PGM1: variants seen among roughly 807,000 people sequenced by gnomAD.
PGM1 encodes phosphoglucomutase-1.
Under a neutral mutation model 55.6 loss-of-function variants are expected in PGM1, and 52 were observed. The ratio of observed to expected loss-of-function variants is 0.94; its 90% confidence interval spans 0.75 to 1.18. The LOEUF (loss-of-function observed/expected upper bound fraction) is 1.18. Among genes scored for constraint, PGM1 ranks in the 50% most tolerant of loss-of-function variants. The pLI is 0.00. For missense variants in PGM1, 724 were observed against 729.3 expected (o/e 0.99, Z 0.08); for synonymous variants, 287 against 271.7 (o/e 1.06, Z -0.55).
intron 1 of PGM1, among the ~76,000 whole-genome samples, chr1:63,627,213 A>C (rs940363539): frequency 6.6e-6 from 1 of 152,062 alleles, no homozygotes; most frequent in Admixed American, 6.6e-5. Context: ...TTGGTGCTTA[A>C]GTGTCTGTCT....
intron 1 of PGM1, among the ~76,000 whole-genome samples, chr1:63,595,899 CT>C (rs1648051395): frequency 6.6e-6 from 1 of 152,164 alleles, no homozygotes; most frequent in Non-Finnish European, 1.5e-5. Flanking sequence ...CCCTATTGCT[CT>C]TCTCTCAGCC....
chr1:63,594,138 A>G (rs768357154), intron 1 of PGM1: 1,369 of 997,254 alleles, frequency 1.4e-3, no homozygotes, highest in Non-Finnish European at 1.6e-3. Flanking sequence ...CGCCTTAAGC[A>G]GGAAAGGTTA....
At chr1:63,607,065 A>G (rs1384971566) in intron 1 of PGM1, among the ~76,000 whole-genome samples, 1 of 152,182 alleles carries the variant, frequency 6.6e-6, no homozygotes, top group African/African-American at 2.4e-5. Context: ...ACCACAATCT[A>G]ACTTCAGAAT....
In PGM1 at chr1:63,593,437, C is replaced by A; in HGVS notation, c.-52C>A. On this transcript the variant is annotated 5_prime_UTR_variant, in exon 1 of 11. Transcript: ENST00000371084. ...GAGCAGCTGCAGCCTCAGCCGGCCGCCCCTCCGCCAGCCAAGTCCGCCGCT... is the reference window on the plus strand; with the variant it reads ...GAGCAGCTGCAGCCTCAGCCGGCCGACCCTCCGCCAGCCAAGTCCGCCGCT... The A allele has an allele frequency of 6.2e-7, 1 of 1,610,964 alleles. No homozygotes were observed. The highest frequency in any genetic ancestry group is 8.5e-7 in the Non-Finnish European group (1 of 1,178,946).
At chr1:63,598,932 A>C (rs1361783309) in intron 1 of PGM1, among the ~76,000 whole-genome samples, 1 of 152,218 alleles carries the variant, frequency 6.6e-6, no homozygotes, top group East Asian at 1.9e-4. Flanking sequence ...CTCCCGCTTG[A>C]AGTGAACCAC....
intron 1 of PGM1, among the ~76,000 whole-genome samples, chr1:63,612,744 A>G (rs1487052325): frequency 6.6e-6 from 1 of 152,168 alleles, no homozygotes; most frequent in Non-Finnish European, 1.5e-5. Context: ...TCTGTTCGTA[A>G]TTGTTGCACA....
chr1:63,628,626 T>C (rs571807850), intron 1 of PGM1, among the ~76,000 whole-genome samples: 1 of 152,358 alleles, frequency 6.6e-6, no homozygotes, highest in African/African-American at 2.4e-5. Flanking sequence ...TCAACCTTCT[T>C]TTCCAACTTG....
At chr1:63,639,505 C>T (rs75627646) in intron 7 of PGM1, among the ~76,000 whole-genome samples, 1,704 of 152,054 alleles carry the variant, frequency 0.011, 31 homozygotes, top group African/African-American at 0.039. Flanking sequence ...TTCTCTGCTA[C>T]CTCATGCTGC....
chr1:63,631,995 A>T (rs1649209875), intron 4 of PGM1, among the ~76,000 whole-genome samples: 1 of 152,196 alleles, frequency 6.6e-6, no homozygotes, highest in Admixed American at 6.6e-5. Context: ...AGCTCGTGTG[A>T]AGGTCAGTGT....
chr1:63,619,623 A>G (rs1648832464), intron 1 of PGM1, among the ~76,000 whole-genome samples: 1 of 152,164 alleles, frequency 6.6e-6, no homozygotes. Flanking sequence ...TTTGCTTACA[A>G]ATTTCCATAG....
At chr1:63,641,328 T>C (rs1169295956) in intron 7 of PGM1, among the ~76,000 whole-genome samples, 1 of 152,232 alleles carries the variant, frequency 6.6e-6, no homozygotes, top group Non-Finnish European at 1.5e-5. Context: ...GTAATATTTC[T>C]GAGATAAACA....
intron 1 of PGM1, among the ~76,000 whole-genome samples, chr1:63,613,070 C>A (rs1295899996): frequency 1.3e-5 from 2 of 152,066 alleles, no homozygotes; most frequent in Non-Finnish European, 2.9e-5. Context: ...CTCTCCATAC[C>A]ACAGAGCAAA....
Position 63,593,499 on chromosome 1 carries a change from T to C in PGM1, c.11T>C (p.Ile4Thr). 1 of 1,613,552 alleles carries C rather than the reference T, an allele frequency of 6.2e-7. No homozygotes were observed. Among genetic ancestry groups the C allele is most frequent in the East Asian group, 2.2e-5 (1 of 44,828 alleles). Residue 4 changes from isoleucine to threonine, a missense_variant, in exon 1 of 11, where the codon ATC (isoleucine) becomes ACC (threonine). This residue lies in a region of PGM1 where 379 missense variants were observed against 357.5 expected (regional missense o/e 1.06). Coordinates refer to ENST00000371084, the MANE Select transcript of PGM1 (RefSeq NM_002633.3). MVK[I>T]VTVKTQAYQD... ...CAGCAAGTCGCCACCATGGTGAAGA[T>C]CGTGACAGTTAAGACCCAGGCGTAC...
intron 1 of PGM1, among the ~76,000 whole-genome samples, chr1:63,615,344 C>T (rs2749103): frequency 6.6e-6 from 1 of 152,236 alleles, no homozygotes; most frequent in African/African-American, 2.4e-5. Flanking sequence ...TCAGAACCTT[C>T]TAAAGGAGGC....
chr1:63,629,911 A>G (rs1557431329), intron 2 of PGM1, 31 bp from the exon 3 acceptor site: 1 of 1,613,548 alleles, frequency 6.2e-7, no homozygotes, highest in Non-Finnish European at 8.5e-7. Context: ...AGCTGCACGA[A>G]GTAACCCACT....
rs879701821 is a variant in PGM1 at position 63,641,620 on chromosome 1, G to A, written c.1144+2820G>A. On this transcript the variant is annotated intron_variant, in intron 7 of 10. Transcript: ENST00000371084. The stretch of plus-strand genomic sequence containing the variant: ...ATAGGAGAGACAATTTCTCAAAAAC[G>A]TTTCCTTGACCTTTCAGAGTGGGCC... Among the ~76,000 whole-genome samples the A allele has an allele frequency of 3.9e-5, 6 of 152,132 alleles. 1 individual carries two copies. In the East Asian group the frequency reaches 5.8e-4, roughly 15 times the overall value.
chr1:63,647,705 A>C (rs975818131), intron 7 of PGM1, among the ~76,000 whole-genome samples: 9 of 152,118 alleles, frequency 5.9e-5, no homozygotes, highest in African/African-American at 1.9e-4. Flanking sequence ...CTTTTCCCAC[A>C]GCCTTGCAGT....
intron 8 of PGM1, 126 bp from the exon 9 acceptor site, chr1:63,651,542 GC>G: frequency 1.2e-6 from 1 of 808,508 alleles, no homozygotes; most frequent in Non-Finnish European, 2.0e-6. Flanking sequence ...TATTTTTTTT[GC>G]CAGCTTCTTC....
chr1:63,616,893 GC>G (rs1340637208), intron 1 of PGM1, among the ~76,000 whole-genome samples: 1 of 152,120 alleles, frequency 6.6e-6, no homozygotes, highest in Non-Finnish European at 1.5e-5. Context: ...ATAGCCAATG[GC>G]CCGTCCCAAT....
Sources: gnomAD v4.1 joint callset for allele counts (sites outside exome capture counted in the v4.1 genomes callset) on GRCh38, gnomAD v4.1.1 for gene constraint, gnomAD v4.1.1 regional missense constraint, MANE v1.5 for transcripts, NCBI Gene and HGNC (gene_info 2026-07-23, HGNC 2026-07-21) for gene names.